TXNDC12: variants seen among roughly 807,000 people sequenced by gnomAD.
TXNDC12 encodes the protein thioredoxin domain containing 12.
TXNDC12 carries 22 observed loss-of-function variants against 24.2 expected under a neutral mutation model. The ratio of observed to expected loss-of-function variants is 0.91; its 90% CI spans 0.65 to 1.30. The LOEUF (loss-of-function observed/expected upper bound fraction) is 1.30. TXNDC12 is among the 50% of genes most tolerant of loss of function. The pLI, the probability that TXNDC12 is intolerant of heterozygous loss-of-function variation, is 0.00. For synonymous variants in TXNDC12, 58 were observed against 73.4 expected, an observed-to-expected ratio of 0.79 and a Z score of 1.07; for missense variants, 184 against 205.8, an observed-to-expected ratio of 0.89 and a Z score of 0.65.
chr1:52,041,101 G>C (rs1685979623), intron 2 of TXNDC12, among the ~76,000 whole-genome samples: 1 of 152,094 alleles, frequency 6.6e-6, no homozygotes, highest in Non-Finnish European at 1.5e-5. Flanking sequence ...GGGAGGCCGA[G>C]GCGGGTGGAT....
chr1:52,036,968 C>G (rs925297075), intron 2 of TXNDC12, among the ~76,000 whole-genome samples: 24 of 152,136 alleles, frequency 1.6e-4, no homozygotes, highest in African/African-American at 5.8e-4. Flanking sequence ...CAGTTTTATC[C>G]AGCAGGAATT....
intron 1 of TXNDC12, among the ~76,000 whole-genome samples, chr1:52,046,393 A>G (rs1159274682): frequency 1.3e-5 from 2 of 152,112 alleles, no homozygotes; most frequent in Non-Finnish European, 2.9e-5. Context: ...TTTCAAAGGC[A>G]AAGTTAGCAG....
In TXNDC12 at chr1:52,020,993, T is replaced by C. The variant is rs757049732; in HGVS notation, c.459A>G (p.Glu153=). ...CATCACCCGTCAGCCTTTCCTGAGC[T>C]TCCTTCATCCCCTGAACAACTGTGA... The part of the protein sequence containing the change: ...SAEQVVQGMK[E]AQERLTGDAF... Residue 153 remains glutamate, a synonymous_variant, in exon 7 of 7, where the codon GAA becomes GAG. Transcript: ENST00000371626. The C allele has an allele frequency of 1.5e-5, 25 of 1,613,836 alleles. No individual in the cohort carries two copies. The highest frequency in any genetic ancestry group is 3.3e-4 in the Middle Eastern group (2 of 6,084).
At chr1:52,041,229 A>G (rs1685982929) in intron 2 of TXNDC12, among the ~76,000 whole-genome samples, 1 of 151,814 alleles carries the variant, frequency 6.6e-6, no homozygotes, top group Admixed American at 6.6e-5. Flanking sequence ...GCTACTCGGG[A>G]GGCTGAGGCA....
intron 2 of TXNDC12, chr1:52,032,272 G>T: frequency 1.0e-6 from 1 of 991,908 alleles, no homozygotes; most frequent in Non-Finnish European, 1.2e-6. Flanking sequence ...TACTTTTGTG[G>T]TATGAAAAAA....
chr1:52,039,551 G>A (rs1479774432), intron 2 of TXNDC12, among the ~76,000 whole-genome samples: 2 of 152,052 alleles, frequency 1.3e-5, no homozygotes, highest in African/African-American at 2.4e-5. Context: ...GGCTGGTCTC[G>A]AACTCCTGAC....
At chr1:52,040,816 A>T (rs1685973402) in intron 2 of TXNDC12, among the ~76,000 whole-genome samples, 1 of 151,290 alleles carries the variant, frequency 6.6e-6, no homozygotes, top group South Asian at 2.1e-4. Context: ...GGATCGCCTG[A>T]GGTTGGGAGC....
intron 5 of TXNDC12, 71 bp downstream of exon 5, chr1:52,024,439 A>C: frequency 3.3e-6 from 4 of 1,200,202 alleles, no homozygotes; most frequent in South Asian, 1.3e-5. Context: ...TCACTAGGTG[A>C]AGTCAGTGCC....
At chr1:52,046,746 G>A (rs975429287) in intron 1 of TXNDC12, among the ~76,000 whole-genome samples, 13 of 149,720 alleles carry the variant, frequency 8.7e-5, no homozygotes, top group African/African-American at 2.0e-4. Context: ...GGCCAGGCGC[G>A]GTGGCTCACG....
intron 4 of TXNDC12, 112 bp downstream of exon 4, chr1:52,027,163 T>C (rs773464100): frequency 3.2e-5 from 23 of 714,688 alleles, no homozygotes; most frequent in Non-Finnish European, 5.4e-5. Context: ...GAAAAACACA[T>C]ACATAAATTT....
intron 2 of TXNDC12, chr1:52,033,092 G>T: frequency 6.2e-7 from 1 of 1,610,962 alleles, no homozygotes; most frequent in African/African-American, 1.3e-5. Flanking sequence ...CGGTCCCAGC[G>T]ATTCCGAGAA....
intron 6 of TXNDC12, among the ~76,000 whole-genome samples, chr1:52,022,812 TG>T (rs1231694838): frequency 6.6e-6 from 1 of 151,966 alleles, no homozygotes; most frequent in Non-Finnish European, 1.5e-5. Context: ...GCTAATTTTT[TG>T]TATTTTTAGT....
At chr1:52,033,641 G>T in intron 2 of TXNDC12, 1 of 1,611,686 alleles carries the variant, frequency 6.2e-7, no homozygotes. Context: ...TCTGCGCCCA[G>T]GACAGCTGCG....
intron 6 of TXNDC12, chr1:52,023,290 T>C: frequency 2.1e-6 from 1 of 466,182 alleles, no homozygotes; most frequent in African/African-American, 2.0e-5. Context: ...CACAGCTGCC[T>C]GTGGGTCAGT....
chr1:52,033,824 A>T (rs190609838), intron 2 of TXNDC12: 5 of 1,479,444 alleles, frequency 3.4e-6, no homozygotes, highest in Non-Finnish European at 3.6e-6. Flanking sequence ...CGCGTCTCCG[A>T]CGTAAGCCGG....
chr1:52,044,845 C>T (rs1204936129), intron 1 of TXNDC12, among the ~76,000 whole-genome samples: 2 of 151,864 alleles, frequency 1.3e-5, no homozygotes, highest in Admixed American at 1.3e-4. Flanking sequence ...TGCCGTGGTG[C>T]AAGCCAATAG....
At chr1:52,054,374 G>T (rs1164721728) in intron 1 of TXNDC12, among the ~76,000 whole-genome samples, 1 of 152,202 alleles carries the variant, frequency 6.6e-6, no homozygotes, top group Non-Finnish European at 1.5e-5. Context: ...GTAGGTAATG[G>T]ATGGAGTAGG....
chr1:52,053,245 T>C (rs1243408055), intron 1 of TXNDC12, among the ~76,000 whole-genome samples: 1 of 149,924 alleles, frequency 6.7e-6, no homozygotes, highest in Non-Finnish European at 1.5e-5. Flanking sequence ...CCTGGCAGAG[T>C]GAGACTCCGT....
At chr1:52,021,974 A>C (rs1460696875) in intron 6 of TXNDC12, among the ~76,000 whole-genome samples, 1 of 152,150 alleles carries the variant, frequency 6.6e-6, no homozygotes, top group Non-Finnish European at 1.5e-5. Context: ...ACTTGGATGA[A>C]ATTCTAAAGG....
Sources: gnomAD v4.1 joint callset for allele counts (sites outside exome capture counted in the v4.1 genomes callset) on GRCh38, gnomAD v4.1.1 for gene constraint, MANE v1.5 for transcripts, NCBI Gene and HGNC (gene_info 2026-07-23, HGNC 2026-07-21) for gene names.